CADPS2: variants seen among roughly 807,000 people sequenced by gnomAD.
CADPS2 encodes the protein calcium dependent secretion activator 2.
Under a neutral mutation model 172.5 loss-of-function variants are expected in CADPS2, and 93 were observed. That is an observed-to-expected ratio of 0.54 (90% CI 0.46 to 0.64). The LOEUF (loss-of-function observed/expected upper bound fraction) is 0.64. Among genes scored for constraint, CADPS2 ranks in the 30% least tolerant of loss-of-function variants. The pLI, the probability that CADPS2 is intolerant of heterozygous loss-of-function variation, is 0.00. For missense variants in CADPS2, 1,420 were observed against 1,565.9 expected (o/e 0.91, Z 1.57); for synonymous variants, 546 against 555.2 (o/e 0.98, Z 0.23).
At chr7:122,483,603 TTTTAA>T (rs1387499035) in intron 11 of CADPS2, among the ~76,000 whole-genome samples, 18 of 152,100 alleles carry the variant, frequency 1.2e-4, no homozygotes, top group African/African-American at 4.3e-4. Context: ...TTTCTTTCAC[TTTTAA>T]TTTATTTAAA....
At chr7:122,847,183 T>C (rs1812218121) in intron 1 of CADPS2, among the ~76,000 whole-genome samples, 1 of 152,026 alleles carries the variant, frequency 6.6e-6, no homozygotes, top group Non-Finnish European at 1.5e-5. Flanking sequence ...GCCTCCTGGG[T>C]TCAAGCAATT....
intron 28 of CADPS2, among the ~76,000 whole-genome samples, chr7:122,334,724 T>A (rs1338319386): frequency 6.6e-6 from 1 of 152,176 alleles, no homozygotes; most frequent in East Asian, 1.9e-4. Flanking sequence ...TTTAATAGAT[T>A]AATTATTAGT....
At chr7:122,863,333 T>C (rs1336756881) in intron 1 of CADPS2, among the ~76,000 whole-genome samples, 1 of 152,232 alleles carries the variant, frequency 6.6e-6, no homozygotes, top group Non-Finnish European at 1.5e-5. Flanking sequence ...AACAAGTTTT[T>C]GCCTACATAA....
intron 14 of CADPS2, 136 bp downstream of exon 14, chr7:122,471,239 T>A (rs984451498): frequency 5.9e-6 from 4 of 674,756 alleles, no homozygotes; most frequent in Non-Finnish European, 9.3e-6. Flanking sequence ...TTTTTCTCTG[T>A]CGTTTTTTTT....
intron 20 of CADPS2, among the ~76,000 whole-genome samples, chr7:122,398,615 C>T (rs1471249198): frequency 6.6e-6 from 1 of 152,136 alleles, no homozygotes; most frequent in Non-Finnish European, 1.5e-5. Context: ...AGTCGCTCTC[C>T]ATGTTGACAA....
At chr7:122,551,392 A>G (rs959754633) in intron 8 of CADPS2, among the ~76,000 whole-genome samples, 2 of 152,088 alleles carry the variant, frequency 1.3e-5, no homozygotes, top group Non-Finnish European at 2.9e-5. Flanking sequence ...GGCATTGAGA[A>G]TTCAAATAGG....
At position 122,705,980 on chromosome 7, in the gene CADPS2, TA is replaced by T. The variant is rs1564126335; in HGVS notation, c.453+30974del. Among the ~76,000 whole-genome samples the T allele has an allele frequency of 2.9e-5, 2 of 69,072 alleles. 1 individual carries two copies. The highest frequency in any genetic ancestry group is 1.2e-4 in the African/African-American group (2 of 16,156). The allele number at this position is 69,072 out of a possible 152,430, so 45.3% of individuals were successfully genotyped here. ...TATATATATAATATAATATAATATA[TA>T]ATATTATATATTATATAATATTTAT... On this transcript the variant is annotated intron_variant, in intron 2 of 29. Transcript: ENST00000449022.
chr7:122,885,685 C>A (rs1179559844), intron 1 of CADPS2, among the ~76,000 whole-genome samples: 1 of 152,126 alleles, frequency 6.6e-6, no homozygotes, highest in South Asian at 2.1e-4. Context: ...ATGGGAGTTG[C>A]ATTCTAATCC....
At chr7:122,641,328 A>G (rs34264090) in intron 3 of CADPS2, among the ~76,000 whole-genome samples, 6,161 of 152,222 alleles carry the variant, frequency 0.04, 195 homozygotes, top group Non-Finnish European at 0.049. Context: ...AGTTCAGAAA[A>G]TATGCTTTTA....
intron 1 of CADPS2, among the ~76,000 whole-genome samples, chr7:122,834,482 TGAGGC>T (rs1200221697): frequency 2.1e-5 from 3 of 141,140 alleles, no homozygotes; most frequent in Admixed American, 7.2e-5. Context: ...CGAAGCAGGG[TGAGGC>T]AATGCCTCAC....
At chr7:122,751,873 C>T (rs1326441445) in intron 1 of CADPS2, among the ~76,000 whole-genome samples, 8 of 152,168 alleles carry the variant, frequency 5.3e-5, no homozygotes, top group Non-Finnish European at 1.0e-4. Context: ...GCCTTTGGCT[C>T]CTCCCATCTG....
intron 12 of CADPS2, among the ~76,000 whole-genome samples, chr7:122,479,470 C>T (rs1465356565): frequency 6.6e-6 from 1 of 152,108 alleles, no homozygotes; most frequent in African/African-American, 2.4e-5. Context: ...CTAGATCAGC[C>T]TGAATAGTAT....
intron 1 of CADPS2, among the ~76,000 whole-genome samples, chr7:122,814,935 G>A (rs1800941717): frequency 6.6e-6 from 1 of 151,986 alleles, no homozygotes; most frequent in South Asian, 2.1e-4. Context: ...TTGGATTCAG[G>A]CTCTGTTTAC....
chr7:122,474,564 A>C (rs750064754), intron 12 of CADPS2, 47 bp from the exon 13 acceptor site: 7 of 1,567,654 alleles, frequency 4.5e-6, no homozygotes, highest in Admixed American at 1.8e-5. Flanking sequence ...TTTCAGGCTT[A>C]ATGATGGACA....
At chr7:122,393,078 AC>A in intron 22 of CADPS2, 117 bp downstream of exon 22, 8 of 1,183,220 alleles carry the variant, frequency 6.8e-6, no homozygotes, top group East Asian at 2.6e-5. Flanking sequence ...AAAAAAAAAA[AC>A]AGTATTCCTC....
At chr7:122,713,912 G>T (rs533366696) in intron 2 of CADPS2, among the ~76,000 whole-genome samples, 3 of 152,000 alleles carry the variant, frequency 2.0e-5, no homozygotes, top group Non-Finnish European at 2.9e-5. Flanking sequence ...AAAAACAAAA[G>T]TAAAACAAAG....
intron 27 of CADPS2, chr7:122,354,426 C>G (rs1359084058): frequency 6.6e-6 from 1 of 152,060 alleles, no homozygotes; most frequent in East Asian, 1.9e-4. Flanking sequence ...TGTAAGTAAC[C>G]CCCCTGTTAT....
At chr7:122,323,889 A>G (rs948423905) in intron 29 of CADPS2, among the ~76,000 whole-genome samples, 3 of 13,076 alleles carry the variant, frequency 2.3e-4, no homozygotes, top group African/African-American at 3.9e-4. Flanking sequence ...ATATATATAT[A>G]TATATATATA....
chr7:122,376,864 T>C (rs965149825), intron 25 of CADPS2, among the ~76,000 whole-genome samples: 1 of 152,160 alleles, frequency 6.6e-6, no homozygotes, highest in African/African-American at 2.4e-5. Flanking sequence ...ATTAAGCATG[T>C]ACAATTTTTC....
Sources: gnomAD v4.1 joint callset for allele counts (sites outside exome capture counted in the v4.1 genomes callset) on GRCh38, gnomAD v4.1.1 for gene constraint, MANE v1.5 for transcripts, NCBI Gene and HGNC (gene_info 2026-07-23, HGNC 2026-07-21) for gene names.